DYM: variants seen among roughly 807,000 people sequenced by gnomAD.
The protein encoded by DYM is dyggve-Melchior-Clausen syndrome protein.
A neutral mutation model predicts 93.1 loss-of-function variants in DYM; 78 were observed. The observed-to-expected ratio is 0.84, with a 90% CI of 0.70 to 1.01. The LOEUF (loss-of-function observed/expected upper bound fraction) is 1.01. Ranked by LOEUF, DYM falls within the 50% of genes least tolerant of loss-of-function variation. The pLI is 0.00. For missense variants in DYM, 789 were observed against 845.0 expected, an observed-to-expected ratio of 0.93 and a Z score of 0.82; for synonymous variants, 321 against 319.7, an observed-to-expected ratio of 1.00 and a Z score of -0.04.
At chr18:49,354,124 T>C (rs941650450) in intron 6 of DYM, among the ~76,000 whole-genome samples, 1 of 152,034 alleles carries the variant, frequency 6.6e-6, no homozygotes, top group African/African-American at 2.4e-5. Context: ...GACCCACATA[T>C]AGTTAATTGG....
intron 13 of DYM, among the ~76,000 whole-genome samples, chr18:49,249,158 A>T (rs2094232778): frequency 1.3e-5 from 2 of 152,164 alleles, no homozygotes. Flanking sequence ...TTTGATCTGG[A>T]CAAACCTGGG....
intron 14 of DYM, among the ~76,000 whole-genome samples, chr18:49,206,901 G>A (rs1460187737): frequency 6.6e-6 from 1 of 152,144 alleles, no homozygotes; most frequent in African/African-American, 2.4e-5. Flanking sequence ...TGTTGAAAGA[G>A]GAAACAGAAA....
intron 14 of DYM, among the ~76,000 whole-genome samples, chr18:49,181,001 A>C (rs1568553535): frequency 6.6e-6 from 1 of 152,116 alleles, no homozygotes. Flanking sequence ...CCAAAACCAA[A>C]CAAACAAAAA....
chr18:49,147,331 C>A (rs1355402459), intron 15 of DYM, among the ~76,000 whole-genome samples: 12 of 151,482 alleles, frequency 7.9e-5, no homozygotes, highest in East Asian at 5.8e-4. Flanking sequence ...GCAACAAAAG[C>A]CAAAATTGAC....
chr18:49,100,653 A>G (rs1335645026), intron 16 of DYM, among the ~76,000 whole-genome samples: 1 of 152,220 alleles, frequency 6.6e-6, no homozygotes, highest in Non-Finnish European at 1.5e-5. Context: ...AGGGAAGTAT[A>G]ATTTATGTGT....
chr18:49,316,044 G>A (rs949347519), intron 8 of DYM, among the ~76,000 whole-genome samples: 1 of 152,322 alleles, frequency 6.6e-6, no homozygotes, highest in East Asian at 1.9e-4. Context: ...TGCTTTGGGA[G>A]GCCAAGGTGA....
intron 14 of DYM, among the ~76,000 whole-genome samples, chr18:49,166,614 A>G (rs2087908329): frequency 6.6e-6 from 1 of 151,996 alleles, no homozygotes; most frequent in African/African-American, 2.4e-5. Context: ...AAAAAAAAAA[A>G]GGTAAAAAAA....
intron 14 of DYM, among the ~76,000 whole-genome samples, chr18:49,203,375 G>A (rs1254117616): frequency 8.3e-5 from 11 of 132,654 alleles, no homozygotes; most frequent in African/African-American, 3.0e-4. Context: ...CATTGAGAAC[G>A]GGCCAGGATG....
At chr18:49,392,072 GA>G (rs923398102) in intron 2 of DYM, among the ~76,000 whole-genome samples, 2 of 151,706 alleles carry the variant, frequency 1.3e-5, no homozygotes, top group Non-Finnish European at 1.5e-5. Flanking sequence ...AAAAGTTCTA[GA>G]AAAAAAGGAA....
chr18:49,254,281 C>CAT lies in DYM; in HGVS notation c.1460+2727_1460+2728dup, dbSNP rs3084549. Among the ~76,000 whole-genome samples the CAT allele has an allele frequency of 3.1e-3, 419 of 136,314 alleles. 2 individuals are homozygous for CAT. Among genetic ancestry groups the CAT allele is most frequent in the East Asian group, 7.1e-3 (29 of 4,062 alleles). The allele number at this position is 136,314 out of a possible 152,430, so 89.4% of individuals were successfully genotyped here. A position where few individuals can be genotyped will look rare whatever the true frequency, so the allele number is the denominator to read the frequency against. ...TCTGCTGTATAAAAGATCCTTGTAT[C>CAT]ATATATATATATATATATATATATA... On this transcript the variant is annotated intron_variant, in intron 13 of 17. Transcript: ENST00000675505.
intron 2 of DYM, among the ~76,000 whole-genome samples, chr18:49,401,553 G>A (rs941155139): frequency 2.0e-5 from 3 of 152,078 alleles, no homozygotes; most frequent in African/African-American, 7.2e-5. Context: ...AGTTTTGCTG[G>A]TGACATCACA....
chr18:49,274,998 T>C (rs1425231270), intron 10 of DYM, among the ~76,000 whole-genome samples: 1 of 152,210 alleles, frequency 6.6e-6, no homozygotes, highest in East Asian at 1.9e-4. Context: ...TCAATTTACC[T>C]GTTTTTTCTT....
At chr18:49,238,257 T>C (rs2093931708) in intron 13 of DYM, among the ~76,000 whole-genome samples, 1 of 150,804 alleles carries the variant, frequency 6.6e-6, no homozygotes. Context: ...ATTTTCTTAT[T>C]AGACTTAAAC....
chr18:49,434,533 CA>C (rs900331798), intron 1 of DYM, among the ~76,000 whole-genome samples: 1 of 151,724 alleles, frequency 6.6e-6, no homozygotes, highest in Non-Finnish European at 1.5e-5. Flanking sequence ...AAAAACAAAA[CA>C]AAAAAGAAAA....
At chr18:49,108,699 G>T (rs2081111972) in intron 16 of DYM, among the ~76,000 whole-genome samples, 1 of 152,140 alleles carries the variant, frequency 6.6e-6, no homozygotes, top group South Asian at 2.1e-4. Context: ...GATGTTGTTG[G>T]GTGGTATGTT....
chr18:49,103,861 G>T (rs1019303476), intron 16 of DYM, among the ~76,000 whole-genome samples: 1 of 150,820 alleles, frequency 6.6e-6, no homozygotes, highest in African/African-American at 2.4e-5. Flanking sequence ...CTCCAGCTTT[G>T]TTCTTTTGGC....
intron 16 of DYM, among the ~76,000 whole-genome samples, chr18:49,113,970 T>G (rs2081676557): frequency 1.3e-5 from 2 of 152,200 alleles, no homozygotes; most frequent in African/African-American, 4.8e-5. Context: ...AATGAGAACC[T>G]GGATTCAGGG....
intron 1 of DYM, among the ~76,000 whole-genome samples, chr18:49,455,525 C>T (rs532437361): frequency 1.6e-4 from 24 of 152,246 alleles, no homozygotes; most frequent in African/African-American, 5.3e-4. Context: ...ATATTAGTCC[C>T]ATTATACAGA....
chr18:49,443,782 C>A (rs1006145299), intron 1 of DYM, among the ~76,000 whole-genome samples: 1 of 152,132 alleles, frequency 6.6e-6, no homozygotes, highest in Non-Finnish European at 1.5e-5. Context: ...AAGTAAATTT[C>A]CAAATGGCTC....
Sources: gnomAD v4.1 joint callset for allele counts (sites outside exome capture counted in the v4.1 genomes callset) on GRCh38, gnomAD v4.1.1 for gene constraint, MANE v1.5 for transcripts, NCBI Gene and HGNC (gene_info 2026-07-23, HGNC 2026-07-21) for gene names.